Variants in DNAH14 observed in about 807,000 individuals in gnomAD.
DNAH14 encodes the protein axonemal beta dynein heavy chain 14.
DNAH14 carries 478 observed loss-of-function variants against 520.9 expected under a neutral mutation model. The ratio of observed to expected loss-of-function variants is 0.92; its 90% CI spans 0.85 to 0.99. The LOEUF is 0.99. Among genes scored for constraint, DNAH14 ranks in the 50% least tolerant of loss-of-function variants. DNAH14 has a pLI of 0.00. For synonymous variants in DNAH14, 1,581 were observed against 1,757.2 expected (o/e 0.90, Z 2.51); for missense variants, 4,831 against 5,234.5 (o/e 0.92, Z 2.38).
intron 9 of DNAH14, among the ~76,000 whole-genome samples, chr1:225,006,398 A>G (rs2064171118): frequency 6.6e-6 from 1 of 152,202 alleles, no homozygotes; most frequent in South Asian, 2.1e-4. Flanking sequence ...GCCGGGCAGA[A>G]CAGAGTCATA....
At chr1:224,981,817 C>G (rs1433605726) in intron 8 of DNAH14, among the ~76,000 whole-genome samples, 1 of 151,790 alleles carries the variant, frequency 6.6e-6, no homozygotes, top group African/African-American at 2.4e-5. Flanking sequence ...TTGGTTTTTC[C>G]TTTCTTCTGC....
chr1:225,068,308 T>A (rs1294206176), intron 17 of DNAH14, among the ~76,000 whole-genome samples: 1 of 152,208 alleles, frequency 6.6e-6, no homozygotes, highest in Non-Finnish European at 1.5e-5. Context: ...TTGGTCTATG[T>A]GCCTTTTCTT....
At chr1:225,255,216 T>C (rs2092694011) in intron 44 of DNAH14, among the ~76,000 whole-genome samples, 1 of 152,174 alleles carries the variant, frequency 6.6e-6, no homozygotes, top group Admixed American at 6.5e-5. Flanking sequence ...TTTGAGGAGT[T>C]TAAATGTGAA....
chr1:225,266,170 A>T (rs1173913079), intron 48 of DNAH14, among the ~76,000 whole-genome samples: 1 of 151,946 alleles, frequency 6.6e-6, no homozygotes, highest in Non-Finnish European at 1.5e-5. Context: ...CAGCATTTGC[A>T]GCAGAATTTT....
At position 225,192,846 on chromosome 1, in the gene DNAH14, A is replaced by T. The variant is rs761895699; in HGVS notation, c.5821A>T (p.Thr1941Ser). 3.9e-6 allele frequency: 6 copies of T among 1,549,660 alleles called. No homozygotes were observed. The Admixed American group carries it at 5.9e-5, about 15-fold the overall frequency. ...AATTCGAAGTTATGTATATTTTAAC[A>T]CACCAAAGAACACAAAGAAAGACAT... ...ATIRSYVYFNTPKNTKKDIDL... is the reference protein window; with the variant it reads ...ATIRSYVYFNSPKNTKKDIDL... The change falls in exon 38 of 86, where the codon ACA (threonine) becomes TCA (serine). Residue 1941 changes from threonine to serine, a missense_variant. Transcript: ENST00000682510.
chr1:225,055,216 G>A (rs975764940), intron 17 of DNAH14, among the ~76,000 whole-genome samples: 1 of 151,976 alleles, frequency 6.6e-6, no homozygotes, highest in African/African-American at 2.4e-5. Context: ...ATTTCCTCAT[G>A]CCAGTAAAAT....
chr1:225,150,837 C>T (rs2080435455), intron 31 of DNAH14, among the ~76,000 whole-genome samples: 1 of 151,966 alleles, frequency 6.6e-6, no homozygotes, highest in South Asian at 2.1e-4. Flanking sequence ...TCAAGCAATT[C>T]TCATGCTGGT....
At position 225,377,336 on chromosome 1, in the gene DNAH14, C is replaced by T. The variant is rs777073561; in HGVS notation, c.12616C>T (p.Pro4206Ser). 32 of 1,550,800 alleles carry T rather than the reference C, an allele frequency of 2.1e-5. No homozygotes were observed. The South Asian group carries it at 3.8e-4, about 18-fold the overall frequency. Residue 4206 changes from proline to serine, a missense_variant, in exon 79 of 86, where the codon CCA (proline) becomes TCA (serine). Pro to Ser is a moderately conservative substitution (Grantham distance 74). Coordinates refer to ENST00000682510, the MANE Select transcript of DNAH14 (RefSeq NM_001367479.1). ...DDLPEVLGIH[P>S]EAIRSCWETQ... is the part of the protein sequence containing the mutation. ...CCTTCCCGAGGTCTTAGGAATACAC[C>T]CAGAGGCCATCAGGAGCTGCTGGGA... is the stretch of plus-strand genomic sequence containing the variant.
At chr1:225,045,148 A>G (rs1572670716) in intron 15 of DNAH14, among the ~76,000 whole-genome samples, 1 of 152,028 alleles carries the variant, frequency 6.6e-6, no homozygotes, top group Non-Finnish European at 1.5e-5. Context: ...AGTTCTTACC[A>G]ATCTTTCCAT....
In DNAH14 at chr1:224,986,329, A is replaced by G. The variant is rs535873346; in HGVS notation, c.830+12176A>G. Among the ~76,000 whole-genome samples, 27 of 151,250 alleles carry G rather than the reference A, an allele frequency of 1.8e-4. No homozygotes were observed. In the East Asian group the frequency reaches 4.8e-3, roughly 27 times the overall value. ...AGACAAAGGCTTATTAAAAAAAAAA[A>G]AAAAAAAAAGAAAACTACAGGCCAA... On this transcript the variant is annotated intron_variant, in intron 8 of 85. Transcript: ENST00000682510.
intron 1 of DNAH14, among the ~76,000 whole-genome samples, chr1:224,939,568 C>CA (rs1264076244): frequency 6.6e-6 from 1 of 152,016 alleles, no homozygotes. Flanking sequence ...CCTGTTGTCC[C>CA]AGCTACTCAG....
intron 41 of DNAH14, among the ~76,000 whole-genome samples, chr1:225,222,677 A>G (rs113804868): frequency 0.044 from 6,719 of 152,198 alleles, 246 homozygotes; most frequent in Non-Finnish European, 0.066. Context: ...GGTGCATTTT[A>G]CAAACCTCTA....
chr1:225,393,818 T>TG (rs1558623125), intron 84 of DNAH14, among the ~76,000 whole-genome samples: 91 of 136,364 alleles, frequency 6.7e-4, no homozygotes, highest in African/African-American at 1.7e-3. Flanking sequence ...TTTTTTGTTT[T>TG]TTTTTTGTTT....
chr1:225,221,074 A>C (rs1293561311), intron 41 of DNAH14, among the ~76,000 whole-genome samples: 1 of 152,230 alleles, frequency 6.6e-6, no homozygotes, highest in African/African-American at 2.4e-5. Context: ...CTATTTAATA[A>C]ATGATGTTGG....
intron 66 of DNAH14, among the ~76,000 whole-genome samples, chr1:225,335,455 G>A (rs28971009): frequency 0.12 from 7,406 of 60,432 alleles, 1,534 homozygotes; most frequent in African/African-American, 0.26. Flanking sequence ...ATGCACATAT[G>A]CACGTGTGTA....
At chr1:225,013,997 G>C (rs1253695605) in intron 10 of DNAH14, among the ~76,000 whole-genome samples, 1 of 151,998 alleles carries the variant, frequency 6.6e-6, no homozygotes, top group East Asian at 1.9e-4. Flanking sequence ...GGTGCCACTG[G>C]GGTATGAAAA....
Position 225,240,699 on chromosome 1 carries a change from C to A in DNAH14, c.6625C>A (p.Arg2209Ser). 1.3e-6 allele frequency: 2 copies of A among 1,550,838 alleles called. No individual in the cohort carries two copies. The highest frequency in any genetic ancestry group is 1.7e-6 in the Non-Finnish European group (2 of 1,146,500). ...FTWAFGGALN[R>S]EDEHRENIPF... is the part of the protein sequence containing the mutation. ...TTGGGCATTTGGAGGAGCTTTAAAC[C>A]GTGAAGATGAACACAGAGAAAATAT... Residue 2209 changes from arginine (R) to serine (S), a missense_variant, in exon 43 of 86, where the codon CGT becomes AGT. Coordinates refer to ENST00000682510, the MANE Select transcript of DNAH14 (RefSeq NM_001367479.1).
At chr1:225,014,601 G>A (rs886535746) in intron 10 of DNAH14, among the ~76,000 whole-genome samples, 3 of 152,062 alleles carry the variant, frequency 2.0e-5, no homozygotes, top group African/African-American at 7.2e-5. Flanking sequence ...TCATGTATTT[G>A]TATAGCTTCA....
intron 23 of DNAH14, among the ~76,000 whole-genome samples, chr1:225,111,596 G>A (rs2076483478): frequency 6.6e-6 from 1 of 151,718 alleles, no homozygotes; most frequent in Non-Finnish European, 1.5e-5. Flanking sequence ...GCCACTTTAT[G>A]TCCTATTGGA....
Sources: allele counts gnomAD v4.1 joint callset (sites outside exome capture counted in the v4.1 genomes callset), GRCh38; gene constraint gnomAD v4.1.1; transcripts MANE v1.5; gene names NCBI Gene and HGNC (gene_info 2026-07-23, HGNC 2026-07-21).